Variants in HS6ST3 observed in about 807,000 individuals in gnomAD.
HS6ST3 encodes the protein heparan sulfate 6-O-sulfotransferase 3, also known as heparan-sulfate 6-O-sulfotransferase 3.
A neutral mutation model predicts 36.7 loss-of-function variants in HS6ST3; 12 were observed. The ratio of observed to expected loss-of-function variants is 0.33; its 90% confidence interval spans 0.21 to 0.53. The LOEUF (loss-of-function observed/expected upper bound fraction) is 0.53. HS6ST3 is among the 20% of genes least tolerant of loss of function. HS6ST3 has a pLI of 0.95. For synonymous variants in HS6ST3, 240 were observed against 257.5 expected, an observed-to-expected ratio of 0.93 and a Z score of 0.65; for missense variants, 584 against 640.9, an observed-to-expected ratio of 0.91 and a Z score of 0.96.
intron 1 of HS6ST3, among the ~76,000 whole-genome samples, chr13:96,630,815 T>A (rs546423087): frequency 1.3e-4 from 20 of 152,336 alleles, no homozygotes; most frequent in Admixed American, 3.3e-4. Flanking sequence ...CATATCTGTT[T>A]TAAATTATTA....
chr13:96,312,125 C>T (rs1786379613), intron 1 of HS6ST3, among the ~76,000 whole-genome samples: 1 of 152,156 alleles, frequency 6.6e-6, no homozygotes, highest in Non-Finnish European at 1.5e-5. Context: ...CCAACACTGC[C>T]TTTTGGCTTC....
intron 1 of HS6ST3, among the ~76,000 whole-genome samples, chr13:96,531,643 C>T (rs570400345): frequency 6.6e-5 from 10 of 152,266 alleles, no homozygotes; most frequent in Admixed American, 2.6e-4. Flanking sequence ...ACCTGTGAAA[C>T]GGAGGTTTTA....
chr13:96,817,158 A>C (rs1232418060), intron 1 of HS6ST3, among the ~76,000 whole-genome samples: 1 of 151,738 alleles, frequency 6.6e-6, no homozygotes, highest in Middle Eastern at 3.2e-3. Context: ...CTGCTGTGTC[A>C]CCCTCCATGG....
chr13:96,378,032 G>T (rs894400476), intron 1 of HS6ST3, among the ~76,000 whole-genome samples: 1 of 152,156 alleles, frequency 6.6e-6, no homozygotes, highest in Admixed American at 6.5e-5. Context: ...AGTTAGTCTT[G>T]TTAGTGTCAT....
At chr13:96,269,770 GC>G (rs2054710639) in intron 1 of HS6ST3, among the ~76,000 whole-genome samples, 1 of 152,012 alleles carries the variant, frequency 6.6e-6, no homozygotes, top group Non-Finnish European at 1.5e-5. Context: ...TTGTCAGGAA[GC>G]AAGATGATAA....
At chr13:96,477,651 C>G (rs1454913322) in intron 1 of HS6ST3, among the ~76,000 whole-genome samples, 1 of 152,132 alleles carries the variant, frequency 6.6e-6, no homozygotes, top group African/African-American at 2.4e-5. Context: ...AGGCGCATCA[C>G]TTGAGGTCAG....
At chr13:96,594,024 TC>T (rs2056392970) in intron 1 of HS6ST3, among the ~76,000 whole-genome samples, 1 of 151,786 alleles carries the variant, frequency 6.6e-6, no homozygotes. Flanking sequence ...TGGCGCGATC[TC>T]AGCTCACCGC....
intron 1 of HS6ST3, among the ~76,000 whole-genome samples, chr13:96,344,809 G>T (rs1005202272): frequency 6.6e-6 from 1 of 152,156 alleles, no homozygotes; most frequent in Non-Finnish European, 1.5e-5. Flanking sequence ...TCACTGTGAT[G>T]AACCTGCTGA....
intron 1 of HS6ST3, among the ~76,000 whole-genome samples, chr13:96,243,724 G>A (rs995003442): frequency 6.6e-6 from 1 of 151,986 alleles, no homozygotes; most frequent in African/African-American, 2.4e-5. Context: ...AGTTTGGAAG[G>A]CATTAGATGC....
At chr13:96,692,258 A>G (rs2138445971) in intron 1 of HS6ST3, among the ~76,000 whole-genome samples, 1 of 152,234 alleles carries the variant, frequency 6.6e-6, no homozygotes, top group East Asian at 1.9e-4. Flanking sequence ...AAATCCATGA[A>G]TGCCCAAGTC....
intron 1 of HS6ST3, among the ~76,000 whole-genome samples, chr13:96,439,381 C>T (rs747671363): frequency 3.9e-5 from 6 of 152,160 alleles, no homozygotes; most frequent in African/African-American, 7.2e-5. Context: ...AAGATGGTTC[C>T]GTTTGTCACG....
At chr13:96,339,456 A>G (rs61966938) in intron 1 of HS6ST3, among the ~76,000 whole-genome samples, 15,429 of 152,228 alleles carry the variant, frequency 0.1, 844 homozygotes, top group Middle Eastern at 0.14. Flanking sequence ...AAGGTGATCA[A>G]GCCTGAGGGG....
At chr13:96,542,468 T>C (rs2056182064) in intron 1 of HS6ST3, among the ~76,000 whole-genome samples, 1 of 152,168 alleles carries the variant, frequency 6.6e-6, no homozygotes, top group South Asian at 2.1e-4. Flanking sequence ...CATAATCTAA[T>C]ACATAACAGC....
chr13:96,604,646 T>G (rs2056432301), intron 1 of HS6ST3, among the ~76,000 whole-genome samples: 1 of 152,202 alleles, frequency 6.6e-6, no homozygotes, highest in African/African-American at 2.4e-5. Context: ...ATTATCAGAA[T>G]TGAGCTTATA....
intron 1 of HS6ST3, among the ~76,000 whole-genome samples, chr13:96,582,502 A>T (rs2056345603): frequency 6.6e-6 from 1 of 152,208 alleles, no homozygotes; most frequent in Non-Finnish European, 1.5e-5. Flanking sequence ...ATGGGGACAG[A>T]AAATGGAAAG....
chr13:96,687,728 A>G (rs986110657), intron 1 of HS6ST3, among the ~76,000 whole-genome samples: 2 of 151,898 alleles, frequency 1.3e-5, no homozygotes, highest in Non-Finnish European at 2.9e-5. Context: ...GTAGTAAAAG[A>G]TGAAGGGGAT....
At chr13:96,105,574 C>CG (rs2053837910) in intron 1 of HS6ST3, among the ~76,000 whole-genome samples, 1 of 151,988 alleles carries the variant, frequency 6.6e-6, no homozygotes, top group South Asian at 2.1e-4. Context: ...CATTTGAGCC[C>CG]GGGAGGCGGA....
chr13:96,650,812 G>A (rs1046096816), intron 1 of HS6ST3, among the ~76,000 whole-genome samples: 1 of 152,054 alleles, frequency 6.6e-6, no homozygotes, highest in African/African-American at 2.4e-5. Flanking sequence ...GGGTGGATAA[G>A]TCTAGTAAAA....
At chr13:96,439,701 G>A (rs2055660546) in intron 1 of HS6ST3, among the ~76,000 whole-genome samples, 1 of 152,216 alleles carries the variant, frequency 6.6e-6, no homozygotes, top group African/African-American at 2.4e-5. Flanking sequence ...TTGGAATGAT[G>A]TCTGACTCAG....
Sources: allele counts gnomAD v4.1 joint callset (sites outside exome capture counted in the v4.1 genomes callset), GRCh38; gene constraint gnomAD v4.1.1; transcripts MANE v1.5; gene names NCBI Gene and HGNC (gene_info 2026-07-23, HGNC 2026-07-21).